Variants in CELF4 observed in about 807,000 individuals in gnomAD.
CELF4 encodes CUG-BP- and ETR-3-like factor 4.
In CELF4, 18 loss-of-function variants were observed where a neutral mutation model predicts 59.9. The observed-to-expected ratio is 0.30, with a 90% CI of 0.21 to 0.45. The LOEUF (loss-of-function observed/expected upper bound fraction) is 0.45. Among genes scored for constraint, CELF4 ranks in the 20% least tolerant of loss-of-function variants. The probability of loss-of-function intolerance (pLI) is 1.00; values close to 1 mark genes in which losing one functional copy is unlikely to be tolerated. For missense variants in CELF4, 456 were observed against 689.0 expected (o/e 0.66, Z 3.79); for synonymous variants, 261 against 267.1 (o/e 0.98, Z 0.22).
intron 2 of CELF4, among the ~76,000 whole-genome samples, chr18:37,465,134 TAGGAAAGCTCTTTGCATGG>T (rs1485686634): frequency 2.0e-5 from 3 of 152,166 alleles, no homozygotes; most frequent in East Asian, 1.9e-4. Flanking sequence ...GGAGATGCCT[TAGGAAAGCTCTTTGCATGG>T]AGGCCTGCAA....
At chr18:37,390,805 G>A (rs11664411) in intron 2 of CELF4, among the ~76,000 whole-genome samples, 16 of 89,360 alleles carry the variant, frequency 1.8e-4, no homozygotes, top group Non-Finnish European at 3.2e-4. Context: ...GATGGGGCGG[G>A]GAGGGGGGGC....
At chr18:37,280,906 C>T (rs1056605642) in intron 3 of CELF4, among the ~76,000 whole-genome samples, 1 of 152,196 alleles carries the variant, frequency 6.6e-6, no homozygotes, top group Non-Finnish European at 1.5e-5. Flanking sequence ...TGGTTCACAA[C>T]CTATAAAAAG....
chr18:37,405,059 G>A (rs1215781282), intron 2 of CELF4, among the ~76,000 whole-genome samples: 2 of 152,234 alleles, frequency 1.3e-5, no homozygotes, highest in Non-Finnish European at 2.9e-5. Context: ...TCTGCTCTGA[G>A]CTGGCTGGGC....
chr18:37,439,033 G>C (rs2099702890), intron 2 of CELF4, among the ~76,000 whole-genome samples: 2 of 152,202 alleles, frequency 1.3e-5, no homozygotes. Context: ...CTCCACCTGA[G>C]AGCCCAGCAG....
At chr18:37,397,051 C>T (rs981453684) in intron 2 of CELF4, among the ~76,000 whole-genome samples, 1 of 152,142 alleles carries the variant, frequency 6.6e-6, no homozygotes. Context: ...CCTCCAGAGC[C>T]CAGGGGGGAG....
chr18:37,274,910 G>T, intron 4 of CELF4, 26 bp from the exon 5 acceptor site: 1 of 1,601,048 alleles, frequency 6.2e-7, no homozygotes. Flanking sequence ...AGGCCGAGCT[G>T]GGACCCAGAA....
At chr18:37,320,123 G>A (rs1056505138) in intron 3 of CELF4, among the ~76,000 whole-genome samples, 7 of 152,080 alleles carry the variant, frequency 4.6e-5, no homozygotes, top group African/African-American at 1.7e-4. Context: ...AGATCACAAG[G>A]TCCGGAGATT....
intron 1 of CELF4, among the ~76,000 whole-genome samples, chr18:37,488,563 A>T (rs551911133): frequency 1.1e-4 from 17 of 152,052 alleles, no homozygotes; most frequent in Admixed American, 2.6e-4. Flanking sequence ...GTTGCCTGAG[A>T]GTTGATAAGT....
At chr18:37,554,540 A>G (rs1456387474) in intron 1 of CELF4, among the ~76,000 whole-genome samples, 3 of 152,062 alleles carry the variant, frequency 2.0e-5, no homozygotes, top group African/African-American at 7.2e-5. Context: ...CCCGCCCCTC[A>G]TCTTAGCAGC....
chr18:37,442,382 A>G (rs994727686), intron 2 of CELF4, among the ~76,000 whole-genome samples: 2 of 152,192 alleles, frequency 1.3e-5, no homozygotes, highest in African/African-American at 2.4e-5. Flanking sequence ...GTCATTTGAG[A>G]ATACTTAAAA....
intron 2 of CELF4, among the ~76,000 whole-genome samples, chr18:37,355,964 C>T (rs113790149): frequency 3.3e-5 from 5 of 152,172 alleles, no homozygotes; most frequent in African/African-American, 1.2e-4. Flanking sequence ...TGTTCTGAGC[C>T]ATCACTGCAG....
In CELF4 at chr18:37,299,877, G is replaced by A. The variant is rs370074216; in HGVS notation, c.448+21926C>T. On this transcript the variant is annotated intron_variant, in intron 3 of 12. Transcript: ENST00000420428. Reference sequence around the variant, plus strand: ...TCCCCACCCCCATCTCTCCCACGCTGAACAGAGCTCCCGGGCCCATACTCC... The same window carrying A: ...TCCCCACCCCCATCTCTCCCACGCTAAACAGAGCTCCCGGGCCCATACTCC... 3.3e-5 allele frequency among the ~76,000 whole-genome samples: 5 copies of A among 151,960 alleles called. No homozygotes were observed. The East Asian group carries it at 7.8e-4, about 24-fold the overall frequency.
chr18:37,343,411 G>T (rs2098129107), intron 2 of CELF4, among the ~76,000 whole-genome samples: 1 of 151,352 alleles, frequency 6.6e-6, no homozygotes, highest in African/African-American at 2.4e-5. Flanking sequence ...CCACTTCTGG[G>T]TGTGACATCC....
At chr18:37,325,498 C>T (rs762619701) in intron 2 of CELF4, among the ~76,000 whole-genome samples, 1 of 152,210 alleles carries the variant, frequency 6.6e-6, no homozygotes, top group Non-Finnish European at 1.5e-5. Context: ...TTGCAGGCAG[C>T]CAGCCCACTG....
chr18:37,401,866 C>G (rs553886146), intron 2 of CELF4, among the ~76,000 whole-genome samples: 2 of 152,378 alleles, frequency 1.3e-5, no homozygotes, highest in African/African-American at 4.8e-5. Flanking sequence ...GCATTTCAAG[C>G]CCTGAGTTGG....
At chr18:37,546,352 C>T (rs546195478) in intron 1 of CELF4, among the ~76,000 whole-genome samples, 76 of 152,166 alleles carry the variant, frequency 5.0e-4, no homozygotes, top group African/African-American at 1.8e-3. Flanking sequence ...CAGGTGCACA[C>T]ATGCTCACTA....
chr18:37,314,687 A>G (rs937941605), intron 3 of CELF4, among the ~76,000 whole-genome samples: 2 of 152,070 alleles, frequency 1.3e-5, no homozygotes, highest in Non-Finnish European at 2.9e-5. Context: ...CTGGTGCCCC[A>G]GGCTGCTCCC....
At chr18:37,515,865 G>A (rs1289726840) in intron 1 of CELF4, among the ~76,000 whole-genome samples, 2 of 152,204 alleles carry the variant, frequency 1.3e-5, no homozygotes, top group East Asian at 1.9e-4. Context: ...TGGAGTGGGT[G>A]GAGGGCAAAG....
chr18:37,307,666 A>T (rs2096483674), intron 3 of CELF4, among the ~76,000 whole-genome samples: 1 of 151,956 alleles, frequency 6.6e-6, no homozygotes, highest in Admixed American at 6.5e-5. Flanking sequence ...GGTAGGGAGG[A>T]CGTCTGCGTA....
Sources: gnomAD v4.1 joint callset for allele counts (sites outside exome capture counted in the v4.1 genomes callset) on GRCh38, gnomAD v4.1.1 for gene constraint, MANE v1.5 for transcripts, NCBI Gene and HGNC (gene_info 2026-07-23, HGNC 2026-07-21) for gene names.